Variants in TXNL1 observed in about 807,000 individuals in gnomAD.
The protein encoded by TXNL1 is thioredoxin-like protein 1.
Under a neutral mutation model 35.5 loss-of-function variants are expected in TXNL1, and 14 were observed. The observed-to-expected ratio is 0.39, with a 90% CI of 0.26 to 0.62. TXNL1 has a LOEUF of 0.62. TXNL1 is among the 20% of genes least tolerant of loss of function. The probability of loss-of-function intolerance (pLI) is 0.47; values close to 1 mark genes in which losing one functional copy is unlikely to be tolerated. For missense variants in TXNL1, 263 were observed against 349.7 expected, an observed-to-expected ratio of 0.75 and a Z score of 1.98; for synonymous variants, 110 against 115.5, an observed-to-expected ratio of 0.95 and a Z score of 0.31.
At chr18:56,638,007 T>C (rs1010676165) in intron 1 of TXNL1, among the ~76,000 whole-genome samples, 2 of 152,126 alleles carry the variant, frequency 1.3e-5, no homozygotes, top group African/African-American at 4.8e-5. Flanking sequence ...GGGGTCAGGC[T>C]CAGGCAAGGG....
intron 2 of TXNL1, among the ~76,000 whole-genome samples, chr18:56,625,033 A>G (rs2024253355): frequency 6.6e-6 from 1 of 152,200 alleles, no homozygotes; most frequent in South Asian, 2.1e-4. Context: ...AAGACTAACT[A>G]CTGAATGGAA....
At chr18:56,628,377 A>G (rs1438154958) in intron 1 of TXNL1, among the ~76,000 whole-genome samples, 2 of 152,226 alleles carry the variant, frequency 1.3e-5, no homozygotes, top group African/African-American at 2.4e-5. Context: ...ACCTTAGAAC[A>G]TTTGAAAAAG....
intron 2 of TXNL1, among the ~76,000 whole-genome samples, chr18:56,624,702 T>A (rs898626732): frequency 6.6e-6 from 1 of 152,162 alleles, no homozygotes; most frequent in African/African-American, 2.4e-5. Flanking sequence ...TTTTTACTGG[T>A]AAATACATCA....
chr18:56,611,596 ATTC>A (rs2023992903), intron 6 of TXNL1, among the ~76,000 whole-genome samples: 1 of 152,054 alleles, frequency 6.6e-6, no homozygotes, highest in African/African-American at 2.4e-5. Context: ...TTGCCCTGCT[ATTC>A]TCACTTTCTC....
At chr18:56,635,421 T>C (rs1431142003) in intron 1 of TXNL1, among the ~76,000 whole-genome samples, 3 of 152,234 alleles carry the variant, frequency 2.0e-5, no homozygotes, top group Non-Finnish European at 2.9e-5. Context: ...TGGATTATGT[T>C]ATGCAGTTAT....
rs1034418110 is a variant in TXNL1 at position 56,638,555 on chromosome 18, A to G, written c.-115T>C. ...AGGAAGGCCGAGGCCTGGACAGAAG[A>G]GGTGGCGACCGCCGAGTCTTCTCCC... On this transcript the variant is annotated 5_prime_UTR_variant, in exon 1 of 8. Transcript: ENST00000217515. 1.1e-5 allele frequency: 11 copies of G among 1,031,332 alleles called. No homozygotes were observed. The African/African-American group carries it at 1.7e-4, about 16-fold the overall frequency. The allele number at this position is 1,031,332 out of a possible 1,614,324, so 63.9% of individuals were successfully genotyped here.
At chr18:56,626,795 G>GTTTTTTTT (rs1221334957) in intron 1 of TXNL1, among the ~76,000 whole-genome samples, 5 of 29,084 alleles carry the variant, frequency 1.7e-4, no homozygotes, top group Non-Finnish European at 5.4e-4. Context: ...CACCAAGCCG[G>GTTTTTTTT]TCTTTTTTTT....
At chr18:56,611,949 A>G (rs1282974444) in intron 6 of TXNL1, among the ~76,000 whole-genome samples, 1 of 150,712 alleles carries the variant, frequency 6.6e-6, no homozygotes, top group Non-Finnish European at 1.5e-5. Context: ...CTCAGGTTCA[A>G]GCAAGTCTCC....
chr18:56,634,578 C>T (rs546998861), intron 1 of TXNL1, among the ~76,000 whole-genome samples: 74 of 152,068 alleles, frequency 4.9e-4, no homozygotes, highest in Non-Finnish European at 9.6e-4. Context: ...ACAGTGTTTT[C>T]GATAAACGGT....
chr18:56,619,199 G>A (rs1354315763), intron 3 of TXNL1, among the ~76,000 whole-genome samples: 2 of 135,592 alleles, frequency 1.5e-5, no homozygotes, highest in African/African-American at 2.9e-5. Context: ...AGGCAGCAGA[G>A]CAAGACCCTG....
chr18:56,628,739 T>A (rs2024325178), intron 1 of TXNL1, among the ~76,000 whole-genome samples: 1 of 152,234 alleles, frequency 6.6e-6, no homozygotes, highest in African/African-American at 2.4e-5. Flanking sequence ...TGTGTTCAGT[T>A]TGTGAAAATT....
chr18:56,624,199 A>C, intron 3 of TXNL1, 89 bp downstream of exon 3: 1 of 1,364,392 alleles, frequency 7.3e-7, no homozygotes, highest in Non-Finnish European at 9.9e-7. Context: ...AAGAGATAGA[A>C]GATGGAAACA....
At chr18:56,632,920 C>T (rs888049360) in intron 1 of TXNL1, among the ~76,000 whole-genome samples, 3 of 152,132 alleles carry the variant, frequency 2.0e-5, no homozygotes, top group Admixed American at 6.5e-5. Context: ...TTACTCTGTA[C>T]TTCAATAAAC....
chr18:56,637,328 C>T (rs1431228377), intron 1 of TXNL1, among the ~76,000 whole-genome samples: 8 of 152,112 alleles, frequency 5.3e-5, no homozygotes. Flanking sequence ...GTTACATAAA[C>T]AGTGATACCA....
chr18:56,626,648 C>A (rs898031012), intron 1 of TXNL1, among the ~76,000 whole-genome samples, 191 bp from the exon 2 acceptor site: 5 of 151,530 alleles, frequency 3.3e-5, no homozygotes, highest in Admixed American at 6.6e-5. Flanking sequence ...AGGCGCCCAC[C>A]ACCACGCCCA....
At chr18:56,611,161 T>G in intron 6 of TXNL1, 64 bp from the exon 7 acceptor site, 4 of 1,083,182 alleles carry the variant, frequency 3.7e-6, no homozygotes, top group Non-Finnish European at 1.4e-6. Flanking sequence ...TTAAGTTTAA[T>G]CAATTTCCTT....
Position 56,634,378 on chromosome 18 carries a change from C to A in TXNL1, c.98+3965G>T, listed in dbSNP as rs73499355. On this transcript the variant is annotated intron_variant, in intron 1 of 7. Transcript: ENST00000217515. Reference sequence around the variant, plus strand: ...ACGGGACCTTAAACAAATTATTTAACCTCTCTGTGACTCAATGTCCTCAAC... The same window carrying A: ...ACGGGACCTTAAACAAATTATTTAAACTCTCTGTGACTCAATGTCCTCAAC... Among the ~76,000 whole-genome samples, 689 of 152,240 alleles carry A rather than the reference C, an allele frequency of 4.5e-3. 5 individuals are homozygous for A. The highest frequency in any genetic ancestry group is 0.014 in the African/African-American group (595 of 41,532).
intron 3 of TXNL1, among the ~76,000 whole-genome samples, chr18:56,623,571 A>G (rs2024226750): frequency 6.6e-6 from 1 of 152,216 alleles, no homozygotes; most frequent in Non-Finnish European, 1.5e-5. Flanking sequence ...ACCTATTTGT[A>G]TAAGCAAATC....
chr18:56,626,984 T>TC (rs2024296107), intron 1 of TXNL1, among the ~76,000 whole-genome samples: 1 of 150,804 alleles, frequency 6.6e-6, no homozygotes, highest in Non-Finnish European at 1.5e-5. Flanking sequence ...AGCTACATTT[T>TC]TTTTTTTTTT....
Sources: allele counts gnomAD v4.1 joint callset (sites outside exome capture counted in the v4.1 genomes callset), GRCh38; gene constraint gnomAD v4.1.1; transcripts MANE v1.5; gene names NCBI Gene and HGNC (gene_info 2026-07-23, HGNC 2026-07-21).